The following MDFIC2 variants were observed in gnomAD, a reference collection of about 807,000 sequenced individuals.
MDFIC2 encodes the protein myoD family inhibitor domain-containing protein 2.
At chr3:70,206,907 CAAAT>C (rs958268032) in intron 2 of MDFIC2, 117 bp from the exon 3 acceptor site, 47 of 393,628 alleles carry the variant, frequency 1.2e-4, no homozygotes, top group Non-Finnish European at 7.2e-5. Context: ...CTTAAGAAAA[CAAAT>C]GAAGTATTAT....
rs147090850 is a variant in MDFIC2 at position 70,263,728 on chromosome 3, C to T, written c.88+48158G>A. On this transcript the variant is annotated intron_variant, in intron 2 of 3. Transcript: ENST00000567252. ...GTTCTCTGCCCTATAAATTTCTATC[C>T]TCTCTGCCTCCCCAAATTTCAATTT... Among the ~76,000 whole-genome samples the T allele has an allele frequency of 2.6e-4, 40 of 152,272 alleles. No homozygotes were observed. The East Asian group carries it at 7.3e-3, about 28-fold the overall frequency.
At chr3:70,259,301 A>C (rs550709976) in intron 2 of MDFIC2, among the ~76,000 whole-genome samples, 1 of 152,344 alleles carries the variant, frequency 6.6e-6, no homozygotes, top group African/African-American at 2.4e-5. Context: ...TTATCCATTT[A>C]AAGAAAGTAA....
At chr3:70,288,740 C>T (rs1319020069) in intron 2 of MDFIC2, among the ~76,000 whole-genome samples, 1 of 151,824 alleles carries the variant, frequency 6.6e-6, no homozygotes, top group Non-Finnish European at 1.5e-5. Flanking sequence ...AATCTAGGTG[C>T]TCCTGTGTTG....
chr3:70,199,563 A>G (rs1448544103), intron 3 of MDFIC2, among the ~76,000 whole-genome samples: 1 of 152,168 alleles, frequency 6.6e-6, no homozygotes, highest in Non-Finnish European at 1.5e-5. Flanking sequence ...AATTGAAAAC[A>G]GATTTTTCCG....
At chr3:70,214,901 GT>G (rs1701391138) in intron 2 of MDFIC2, among the ~76,000 whole-genome samples, 1 of 152,024 alleles carries the variant, frequency 6.6e-6, no homozygotes, top group East Asian at 1.9e-4. Flanking sequence ...ATAGTTAGCA[GT>G]TTTTATAGTT....
At chr3:70,237,897 A>C (rs1701625693) in intron 2 of MDFIC2, among the ~76,000 whole-genome samples, 1 of 150,416 alleles carries the variant, frequency 6.6e-6, no homozygotes, top group African/African-American at 2.4e-5. Context: ...AGGAGGATGA[A>C]CTTACCAGGA....
At chr3:70,304,674 C>T (rs1702383227) in intron 2 of MDFIC2, among the ~76,000 whole-genome samples, 1 of 152,182 alleles carries the variant, frequency 6.6e-6, no homozygotes, top group African/African-American at 2.4e-5. Flanking sequence ...TATCCTATCC[C>T]AGTTACCATC....
In MDFIC2 at chr3:70,230,750, A is replaced by G. The variant is rs887586899; in HGVS notation, c.89-23960T>C. On this transcript the variant is annotated intron_variant, in intron 2 of 3. Transcript: ENST00000567252. The stretch of plus-strand genomic sequence containing the variant: ...GTGGAAGAATTCATCCCATGCCTTC[A>G]CCCTCCTTGAGTTTTAAAGGCAATG... Among the ~76,000 whole-genome samples, 3 of 152,294 alleles carry G rather than the reference A, an allele frequency of 2.0e-5. No homozygotes were observed. In the South Asian group the frequency reaches 6.2e-4, roughly 32 times the overall value.
At chr3:70,276,939 A>G (rs573914131) in intron 2 of MDFIC2, among the ~76,000 whole-genome samples, 10 of 152,352 alleles carry the variant, frequency 6.6e-5, no homozygotes, top group African/African-American at 2.4e-4. Flanking sequence ...TCACATTAAT[A>G]AAGTGAACAT....
At chr3:70,308,002 G>A (rs936612469) in intron 2 of MDFIC2, among the ~76,000 whole-genome samples, 1 of 152,028 alleles carries the variant, frequency 6.6e-6, no homozygotes, top group Non-Finnish European at 1.5e-5. Context: ...GGACTTCCTA[G>A]ACCACCTTGG....
At chr3:70,199,422 C>T (rs1366062843) in intron 3 of MDFIC2, among the ~76,000 whole-genome samples, 1 of 152,048 alleles carries the variant, frequency 6.6e-6, no homozygotes, top group Non-Finnish European at 1.5e-5. Context: ...CAAATTGGCA[C>T]TTGTTTCCTT....
chr3:70,242,641 G>A (rs1701674399), intron 2 of MDFIC2, among the ~76,000 whole-genome samples: 1 of 152,160 alleles, frequency 6.6e-6, no homozygotes, highest in Non-Finnish European at 1.5e-5. Context: ...TGAGAAAAAT[G>A]TATTGACGTT....
chr3:70,311,784 T>G (rs1702455706), intron 2 of MDFIC2, 102 bp downstream of exon 2: 1 of 392,658 alleles, frequency 2.5e-6, no homozygotes. Flanking sequence ...TACTACTATT[T>G]GAACGGTCAG....
intron 2 of MDFIC2, chr3:70,291,387 C>T (rs1052675374): frequency 3.3e-5 from 5 of 152,082 alleles, no homozygotes; most frequent in Non-Finnish European, 7.4e-5. Context: ...GTTATCATTA[C>T]GATATAACAA....
At chr3:70,245,257 G>A (rs1000790880) in intron 2 of MDFIC2, among the ~76,000 whole-genome samples, 19 of 151,880 alleles carry the variant, frequency 1.3e-4, no homozygotes, top group Non-Finnish European at 4.4e-5. Flanking sequence ...ATGAGAATTA[G>A]AAAAAAACCA....
intron 2 of MDFIC2, among the ~76,000 whole-genome samples, chr3:70,295,653 T>C (rs1040571653): frequency 2.6e-5 from 4 of 152,218 alleles, no homozygotes; most frequent in Middle Eastern, 3.4e-3. Context: ...GATTGTGTCA[T>C]TGCCCTCCAG....
chr3:70,280,857 G>T (rs62256517), intron 2 of MDFIC2, among the ~76,000 whole-genome samples: 8,531 of 147,368 alleles, frequency 0.058, 350 homozygotes, highest in Non-Finnish European at 0.087. Context: ...CAGAAGGAAG[G>T]GACGCTGCAC....
chr3:70,307,111 C>T (rs926120047), intron 2 of MDFIC2, among the ~76,000 whole-genome samples: 1 of 152,096 alleles, frequency 6.6e-6, no homozygotes, highest in Non-Finnish European at 1.5e-5. Flanking sequence ...CCTCCTAGAA[C>T]AGAAGCTGCA....
chr3:70,236,386 A>G (rs866646026), intron 2 of MDFIC2, among the ~76,000 whole-genome samples: 6 of 152,224 alleles, frequency 3.9e-5, no homozygotes, highest in Middle Eastern at 3.4e-3. Flanking sequence ...ATTTTATTAT[A>G]CATTTATATT....
Sources: allele counts gnomAD v4.1 joint callset (sites outside exome capture counted in the v4.1 genomes callset), GRCh38; gene constraint gnomAD v4.1.1; transcripts MANE v1.5; gene names NCBI Gene and HGNC (gene_info 2026-07-23, HGNC 2026-07-21).